Variants in AGBL4 observed in about 807,000 individuals in gnomAD.
AGBL4 encodes AGBL carboxypeptidase 4.
Under a neutral mutation model 66.4 loss-of-function variants are expected in AGBL4, and 58 were observed. The observed-to-expected ratio is 0.87, with a 90% CI of 0.71 to 1.09. AGBL4 has a LOEUF of 1.09. Among genes scored for constraint, AGBL4 ranks in the 50% least tolerant of loss-of-function variants. The pLI, the probability that AGBL4 is intolerant of heterozygous loss-of-function variation, is 0.00. For synonymous variants in AGBL4, 234 were observed against 222.9 expected (o/e 1.05, Z -0.44); for missense variants, 579 against 631.0 (o/e 0.92, Z 0.88).
At chr1:49,103,637 G>A (rs1645241887) in intron 4 of AGBL4, among the ~76,000 whole-genome samples, 1 of 152,096 alleles carries the variant, frequency 6.6e-6, no homozygotes, top group East Asian at 1.9e-4. Context: ...TTTCCTAGCA[G>A]AAGTCTCTTC....
intron 6 of AGBL4, among the ~76,000 whole-genome samples, chr1:48,811,976 G>A (rs751936339): frequency 6.6e-6 from 1 of 152,168 alleles, no homozygotes; most frequent in African/African-American, 2.4e-5. Context: ...ACTGTGAGAG[G>A]TGACTTGGAA....
chr1:49,304,039 T>C (rs994042444), intron 3 of AGBL4, among the ~76,000 whole-genome samples: 4 of 152,342 alleles, frequency 2.6e-5, no homozygotes, highest in Middle Eastern at 3.4e-3. Flanking sequence ...GACATTTTTG[T>C]CATGAAATCT....
At chr1:48,848,452 A>G (rs1646966042) in intron 6 of AGBL4, among the ~76,000 whole-genome samples, 2 of 152,214 alleles carry the variant, frequency 1.3e-5, no homozygotes, top group Admixed American at 6.5e-5. Context: ...GTTGATTGCT[A>G]TCTCAGTGCT....
At chr1:49,860,913 A>C (rs1030149097) in intron 1 of AGBL4, among the ~76,000 whole-genome samples, 4 of 152,154 alleles carry the variant, frequency 2.6e-5, no homozygotes, top group African/African-American at 9.7e-5. Context: ...AGAGATCACA[A>C]AAACAGTCCT....
At chr1:49,629,729 TCAG>T (rs1645533849) in intron 3 of AGBL4, among the ~76,000 whole-genome samples, 1 of 152,200 alleles carries the variant, frequency 6.6e-6, no homozygotes, top group Non-Finnish European at 1.5e-5. Flanking sequence ...TACATGGTCA[TCAG>T]TCCCTTTGGA....
chr1:49,323,457 T>TC (rs1645167255), intron 3 of AGBL4, among the ~76,000 whole-genome samples: 1 of 150,186 alleles, frequency 6.7e-6, no homozygotes, highest in East Asian at 1.9e-4. Flanking sequence ...AATTTTTTTT[T>TC]TTTTTTTTTT....
chr1:50,000,528 CTAAAAG>C (rs1386216897), intron 1 of AGBL4, among the ~76,000 whole-genome samples: 1 of 152,108 alleles, frequency 6.6e-6, no homozygotes, highest in African/African-American at 2.4e-5. Flanking sequence ...CCTTAAAGAA[CTAAAAG>C]TAAATCTACT....
At chr1:48,788,317 G>A (rs1469589356) in intron 6 of AGBL4, among the ~76,000 whole-genome samples, 1 of 152,196 alleles carries the variant, frequency 6.6e-6, no homozygotes, top group Non-Finnish European at 1.5e-5. Flanking sequence ...TAATGACAAG[G>A]ATGGGTTCCT....
At chr1:48,984,187 G>A (rs111517299) in intron 5 of AGBL4, among the ~76,000 whole-genome samples, 1 of 151,914 alleles carries the variant, frequency 6.6e-6, no homozygotes, top group African/African-American at 2.4e-5. Flanking sequence ...AGGCAGTAGA[G>A]GATTAGAAGC....
At chr1:49,717,689 C>T (rs554724792) in intron 2 of AGBL4, among the ~76,000 whole-genome samples, 5 of 152,096 alleles carry the variant, frequency 3.3e-5, no homozygotes, top group South Asian at 2.1e-4. Context: ...TAAGAATGTA[C>T]GTTCTTTGAG....
At chr1:50,016,636 G>A (rs563627802) in intron 1 of AGBL4, among the ~76,000 whole-genome samples, 1 of 152,092 alleles carries the variant, frequency 6.6e-6, no homozygotes, top group Non-Finnish European at 1.5e-5. Context: ...CATATATGTG[G>A]CCAACAAGCA....
chr1:49,704,893 A>G (rs759932076), intron 2 of AGBL4, among the ~76,000 whole-genome samples: 3 of 152,116 alleles, frequency 2.0e-5, no homozygotes, highest in Non-Finnish European at 2.9e-5. Context: ...TTTGCTTAGG[A>G]TTGTTTTGAA....
chr1:49,099,741 G>A (rs189224949), intron 4 of AGBL4, among the ~76,000 whole-genome samples: 1 of 151,994 alleles, frequency 6.6e-6, no homozygotes, highest in Non-Finnish European at 1.5e-5. Context: ...TATATCCCTA[G>A]GGTCTAGGAC....
chr1:49,156,008 T>C (rs1013617254), intron 4 of AGBL4, among the ~76,000 whole-genome samples: 2 of 152,172 alleles, frequency 1.3e-5, no homozygotes, highest in South Asian at 4.1e-4. Flanking sequence ...GTGAAGAATC[T>C]AGATCATCAG....
chr1:49,544,440 G>T (rs575284833), intron 3 of AGBL4, among the ~76,000 whole-genome samples: 2 of 152,216 alleles, frequency 1.3e-5, no homozygotes, highest in East Asian at 3.9e-4. Flanking sequence ...TTCTGTTATT[G>T]AGAATTGTGT....
chr1:48,909,701 C>T (rs1481336641), intron 5 of AGBL4, among the ~76,000 whole-genome samples: 1 of 152,154 alleles, frequency 6.6e-6, no homozygotes, highest in Admixed American at 6.5e-5. Flanking sequence ...AGGAAGATGT[C>T]AAAGCATCTG....
At chr1:48,650,710 A>G (rs1370506392) in intron 8 of AGBL4, among the ~76,000 whole-genome samples, 1 of 152,210 alleles carries the variant, frequency 6.6e-6, no homozygotes, top group Admixed American at 6.5e-5. Context: ...GAATTCTTGG[A>G]ATGGCATTTC....
At chr1:49,773,087 ATTTC>A (rs548794775) in intron 2 of AGBL4, among the ~76,000 whole-genome samples, 22 of 151,916 alleles carry the variant, frequency 1.4e-4, no homozygotes, top group Middle Eastern at 3.4e-3. Context: ...CAAGTTCAGG[ATTTC>A]TTTCTTCTGT....
intron 1 of AGBL4, among the ~76,000 whole-genome samples, chr1:49,952,810 T>C (rs1656276418): frequency 6.6e-6 from 1 of 151,938 alleles, no homozygotes; most frequent in South Asian, 2.1e-4. Flanking sequence ...AAGATATATG[T>C]ACATTGAGAA....
Sources: gnomAD v4.1 joint callset for allele counts (sites outside exome capture counted in the v4.1 genomes callset) on GRCh38, gnomAD v4.1.1 for gene constraint, MANE v1.5 for transcripts, NCBI Gene and HGNC (gene_info 2026-07-23, HGNC 2026-07-21) for gene names.